Variants in CSNK1D observed in about 807,000 individuals in gnomAD.
CSNK1D encodes the protein casein kinase I isoform delta.
CSNK1D carries 16 observed loss-of-function variants against 46.6 expected under a neutral mutation model. That is an observed-to-expected ratio of 0.34 (90% CI 0.23 to 0.52). The LOEUF (loss-of-function observed/expected upper bound fraction) is 0.52. Ranked by LOEUF, CSNK1D falls within the 20% of genes least tolerant of loss-of-function variation. The pLI, the probability that CSNK1D is intolerant of heterozygous loss-of-function variation, is 0.95. For synonymous variants in CSNK1D, 276 were observed against 228.2 expected, an observed-to-expected ratio of 1.21 and a Z score of -1.89; for missense variants, 398 against 578.4, an observed-to-expected ratio of 0.69 and a Z score of 3.20.
At position 82,242,758 on chromosome 17, in the gene CSNK1D, C is replaced by T. The variant is rs903160176; in HGVS notation, c.*2023G>A. On this transcript the variant is annotated 3_prime_UTR_variant, in exon 9 of 9. Coordinates refer to ENST00000314028, the MANE Select transcript of CSNK1D (RefSeq NM_001893.6). ...ACAAACGCACAGCTCGGAGACTGGC[C>T]GTCAGTGCACAGCTGACACGACGTC... 3.8e-5 allele frequency: 37 copies of T among 985,322 alleles called. No individual in the cohort carries two copies. The highest frequency in any genetic ancestry group is 3.1e-4 in the African/African-American group (18 of 57,224). 61.0% of individuals were successfully genotyped at this position (985,322 alleles called of 1,614,324 possible). A position where few individuals can be genotyped will look rare whatever the true frequency, so the allele number is the denominator to read the frequency against.
Position 82,273,163 on chromosome 17 carries a change from T to C in CSNK1D, c.76+143A>G, listed in dbSNP as rs377541613. ...CCTGGCCGCGCTAGCCTAGTGGCCG[T>C]TGGGTTCTGGCCACGATCCGGCGGT... is the stretch of plus-strand genomic sequence containing the variant. On this transcript the variant is annotated intron_variant, in intron 1 of 8. Transcript: ENST00000314028. This position sits in a 1 kb window ranked among gnomAD's most constrained non-coding sequence, Gnocchi z 5.1. The C allele has an allele frequency of 4.2e-3, 2,757 of 659,578 alleles. 39 individuals carry two copies. Among genetic ancestry groups the C allele is most frequent in the South Asian group, 0.025 (1,447 of 57,340 alleles). 40.9% of individuals were successfully genotyped at this position (659,578 alleles called of 1,614,324 possible).
rs1266659836 is a variant in CSNK1D, at chr17:82,248,026, C to T, written c.1197+849G>A. 2.0e-6 allele frequency: 2 copies of T among 985,314 alleles called. No individual in the cohort carries two copies. The highest frequency in any genetic ancestry group is 3.5e-5 in the African/African-American group (2 of 57,226). The allele number at this position is 985,314 out of a possible 1,614,324, so 61.0% of individuals were successfully genotyped here. ...GGCTCCATCCTGTGATCCCAACAAA[C>T]ACCTCCCCACAAGCCCAGAGCCAGG... On this transcript the variant is annotated intron_variant, in intron 8 of 8. Transcript: ENST00000314028. The surrounding 1 kb of genome is among the most constrained non-coding windows in gnomAD (Gnocchi z 4.1).
Position 82,251,582 on chromosome 17 carries a change from G to T in CSNK1D, c.737-55C>A. 1 of 1,598,860 alleles carries T rather than the reference G, an allele frequency of 6.3e-7. No individual in the cohort carries two copies. The highest frequency in any genetic ancestry group is 8.6e-7 in the Non-Finnish European group (1 of 1,168,780). The stretch of plus-strand genomic sequence containing the variant: ...ATGAAACCCAACTGCGACTCAAGGT[G>T]TCTCTGCCAACGTCGCTGTCTACCT... On this transcript the variant is annotated intron_variant, in intron 5 of 8. Coordinates refer to ENST00000314028, the MANE Select transcript of CSNK1D (RefSeq NM_001893.6). The surrounding 1 kb of genome is among the most constrained non-coding windows in gnomAD (Gnocchi z 4.5).
At chr17:82,247,557 CA>C in intron 8 of CSNK1D, 4 of 985,490 alleles carry the variant, frequency 4.1e-6, no homozygotes, top group Non-Finnish European at 4.8e-6. Flanking sequence ...GCTCCTGTAC[CA>C]TGGTTCAGGG....
intron 8 of CSNK1D, chr17:82,247,040 G>A (rs1349039388): frequency 2.0e-5 from 20 of 985,472 alleles, no homozygotes; most frequent in Non-Finnish European, 2.4e-5. Flanking sequence ...GGTGACAAAG[G>A]AGGGGGCCCG....
chr17:82,244,696 C>T lies in CSNK1D; in HGVS notation c.*85G>A, dbSNP rs1282070014. ...CGGTGTTAACATTTCGATCCTAGAC[C>T]GGGGGACGTGTCACTAGTAAAGCCA... On this transcript the variant is annotated 3_prime_UTR_variant, in exon 9 of 9. Transcript: ENST00000314028. The T allele has an allele frequency of 1.2e-5, 20 of 1,607,186 alleles. No individual in the cohort carries two copies. The highest frequency in any genetic ancestry group is 4.4e-5 in the South Asian group (4 of 90,592).
At position 82,249,703 on chromosome 17, in the gene CSNK1D, G is replaced by A. The variant is rs896775800; in HGVS notation, c.886-101C>T. ...CCACGTGAGAAAATACCTACCAAAG[G>A]GCACTGGGACGAGACTGCCTGCAAA... is the stretch of plus-strand genomic sequence containing the variant. On this transcript the variant is annotated intron_variant, in intron 6 of 8. Transcript: ENST00000314028. The surrounding 1 kb of genome is among the most constrained non-coding windows in gnomAD (Gnocchi z 6.7). 19 of 1,528,834 alleles carry A rather than the reference G, an allele frequency of 1.2e-5. No homozygotes were observed. The highest frequency in any genetic ancestry group is 6.9e-5 in the African/African-American group (5 of 72,842). The allele number at this position is 1,528,834 out of a possible 1,614,324, so 94.7% of individuals were successfully genotyped here. A position where few individuals can be genotyped will look rare whatever the true frequency, so the allele number is the denominator to read the frequency against.
intron 1 of CSNK1D, among the ~76,000 whole-genome samples, chr17:82,266,374 G>A (rs1025693692): frequency 6.6e-6 from 1 of 152,156 alleles, no homozygotes; most frequent in Non-Finnish European, 1.5e-5. Flanking sequence ...CCCTTCCTGG[G>A]GACACAAAGC....
chr17:82,241,481 G>A (rs79550361), downstream of CSNK1D, among the ~76,000 whole-genome samples: 5 of 152,256 alleles, frequency 3.3e-5, no homozygotes, highest in Admixed American at 6.5e-5. Flanking sequence ...TGCCCCCGCA[G>A]ATGAGATGGA....
intron 2 of CSNK1D, among the ~76,000 whole-genome samples, chr17:82,257,398 AAT>A (rs1167291992): frequency 1.3e-5 from 2 of 152,220 alleles, no homozygotes; most frequent in African/African-American, 2.4e-5. Context: ...ACATTAAAAA[AAT>A]AGTTTCTGCC....
chr17:82,256,597 A>G (rs2051181391), intron 2 of CSNK1D, among the ~76,000 whole-genome samples: 1 of 152,166 alleles, frequency 6.6e-6, no homozygotes, highest in Admixed American at 6.5e-5. Flanking sequence ...AAAGTCAACG[A>G]CCACAAGAAG....
Position 82,244,671 on chromosome 17 carries a change from C to A in CSNK1D, c.*110G>T. 1 of 1,582,772 alleles carries A rather than the reference C, an allele frequency of 6.3e-7. No individual in the cohort carries two copies. Among genetic ancestry groups the A allele is most frequent in the South Asian group, 1.1e-5 (1 of 88,086 alleles). On this transcript the variant is annotated 3_prime_UTR_variant, in exon 9 of 9. Transcript: ENST00000314028. Reference sequence around the variant, plus strand: ...CTGGGTGAGTGGCCTGGAGAGCTCCCGGTGTTAACATTTCGATCCTAGACC... The same window carrying A: ...CTGGGTGAGTGGCCTGGAGAGCTCCAGGTGTTAACATTTCGATCCTAGACC...
Position 82,255,340 on chromosome 17 carries a change from TG to T in CSNK1D, c.336+88del. 1 of 1,466,152 alleles carries T rather than the reference TG, an allele frequency of 6.8e-7. No individual in the cohort carries two copies. The highest frequency in any genetic ancestry group is 1.1e-5 in the South Asian group (1 of 87,702). 90.8% of individuals were successfully genotyped at this position (1,466,152 alleles called of 1,614,324 possible). On this transcript the variant is annotated intron_variant, in intron 3 of 8. Transcript: ENST00000314028. This position sits in a 1 kb window ranked among gnomAD's most constrained non-coding sequence, Gnocchi z 5.9. ...AATTTCCATTTCCTCTGTGAATTAA[TG>T]GCCATAATAATGGCAAGAACAGCAC...
chr17:82,245,916 G>C (rs2050839161), intron 8 of CSNK1D: 1 of 1,522,544 alleles, frequency 6.6e-7, no homozygotes, highest in South Asian at 1.2e-5. Context: ...CCATGGGTGG[G>C]GCATGGTGGC....
chr17:82,250,943 A>T lies in CSNK1D; in HGVS notation c.885+436T>A, dbSNP rs2050990196. On this transcript the variant is annotated intron_variant, in intron 6 of 8. Transcript: ENST00000314028. The surrounding 1 kb of genome is among the most constrained non-coding windows in gnomAD (Gnocchi z 4.6). ...ACCGCATCAAGAAAGCCACAGGGAA[A>T]ATCAGCTCATGACAGGGTCAGTCAG... The T allele has an allele frequency of 3.8e-6, 1 of 262,294 alleles. No individual in the cohort carries two copies. Among genetic ancestry groups the T allele is most frequent in the Non-Finnish European group, 7.6e-6 (1 of 132,436 alleles). 16.2% of individuals were successfully genotyped at this position (262,294 alleles called of 1,614,324 possible). A position where few individuals can be genotyped will look rare whatever the true frequency, so the allele number is the denominator to read the frequency against.
chr17:82,245,568 C>G (rs1412048694), intron 8 of CSNK1D: 1 of 279,058 alleles, frequency 3.6e-6, no homozygotes, highest in African/African-American at 2.2e-5. Flanking sequence ...AGCGTGGAGC[C>G]ACCCAGCTGA....
rs115913650 is a variant in CSNK1D at position 82,250,221 on chromosome 17, G to A, written c.886-619C>T. ...TCTAACTGCCAATGCTGTGCGGCAG[G>A]GGCCTGCAAACTACAGCCCCGGGGC... On this transcript the variant is annotated intron_variant, in intron 6 of 8. Transcript: ENST00000314028. The surrounding 1 kb of genome is among the most constrained non-coding windows in gnomAD (Gnocchi z 4.6). The A allele has an allele frequency of 0.01, 13,163 of 1,289,738 alleles. 99 individuals carry two copies. The highest frequency in any genetic ancestry group is 0.015 in the Middle Eastern group (70 of 4,692). 79.9% of individuals were successfully genotyped at this position (1,289,738 alleles called of 1,614,324 possible).
rs2050783311 is a variant in CSNK1D, at chr17:82,243,770, A to T, written c.*1011T>A. 3 of 985,476 alleles carry T rather than the reference A, an allele frequency of 3.0e-6. No individual in the cohort carries two copies. The highest frequency in any genetic ancestry group is 4.7e-5 in the South Asian group (1 of 21,292). The allele number at this position is 985,476 out of a possible 1,614,324, so 61.0% of individuals were successfully genotyped here. ...AGTGCCAATCCGCACAGGAGCATTGAGTGCTGAGAAAATGGACTGAGTGCA... is the reference window on the plus strand; with the variant it reads ...AGTGCCAATCCGCACAGGAGCATTGTGTGCTGAGAAAATGGACTGAGTGCA... On this transcript the variant is annotated 3_prime_UTR_variant, in exon 9 of 9. Transcript: ENST00000314028.
rs2050912747 is a variant in CSNK1D at position 82,248,673 on chromosome 17, A to G, written c.1197+202T>C. On this transcript the variant is annotated intron_variant, in intron 8 of 8. Coordinates refer to ENST00000314028, the MANE Select transcript of CSNK1D (RefSeq NM_001893.6). This position sits in a 1 kb window ranked among gnomAD's most constrained non-coding sequence, Gnocchi z 4.1. ...ACTGGCCACCTGCAACCAGGAGACA[A>G]GCCCCATGACGGCCCAGCATGTCTC... is the stretch of plus-strand genomic sequence containing the variant. 1.4e-6 allele frequency: 2 copies of G among 1,409,992 alleles called. No homozygotes were observed. The highest frequency in any genetic ancestry group is 1.8e-6 in the Non-Finnish European group (2 of 1,082,068). 87.3% of individuals were successfully genotyped at this position (1,409,992 alleles called of 1,614,324 possible).
Sources: allele counts gnomAD v4.1 joint callset (sites outside exome capture counted in the v4.1 genomes callset), GRCh38; gene constraint gnomAD v4.1.1; non-coding constraint Gnocchi (gnomAD v3.1); transcripts MANE v1.5; gene names NCBI Gene and HGNC (gene_info 2026-07-23, HGNC 2026-07-21).